Variants in TRAF3 observed in about 807,000 individuals in gnomAD.
TRAF3 encodes TNF receptor-associated factor 3.
TRAF3 carries 13 observed loss-of-function variants against 62.3 expected under a neutral mutation model. That is an observed-to-expected ratio of 0.21 (90% CI 0.14 to 0.33). TRAF3 has a LOEUF of 0.33. TRAF3 is among the 10% of genes least tolerant of loss of function. The probability of loss-of-function intolerance (pLI) is 1.00; values close to 1 mark genes in which losing one functional copy is unlikely to be tolerated. For missense variants in TRAF3, 440 were observed against 741.8 expected (o/e 0.59, Z 4.73); for synonymous variants, 269 against 283.4 (o/e 0.95, Z 0.51).
chr14:102,883,314 A>T (rs1889174575), intron 6 of TRAF3, among the ~76,000 whole-genome samples: 2 of 152,272 alleles, frequency 1.3e-5, no homozygotes, highest in African/African-American at 2.4e-5. Context: ...TACTGAGCGA[A>T]GTCCAGAAGA....
chr14:102,843,334 T>C (rs982455911), intron 2 of TRAF3, among the ~76,000 whole-genome samples: 1 of 151,392 alleles, frequency 6.6e-6, no homozygotes, highest in African/African-American at 2.4e-5. Context: ...ATGGGAAAAA[T>C]TTTTATTTAT....
At chr14:102,899,441 C>T (rs1041995640) in intron 10 of TRAF3, among the ~76,000 whole-genome samples, 20 of 152,250 alleles carry the variant, frequency 1.3e-4, no homozygotes, top group Admixed American at 9.8e-4. Flanking sequence ...AAGGGTTTAT[C>T]GTAAAATCTT....
chr14:102,811,316 T>TA (rs1566749402), intron 1 of TRAF3, among the ~76,000 whole-genome samples: 1 of 151,626 alleles, frequency 6.6e-6, no homozygotes, highest in African/African-American at 2.4e-5. Context: ...TTTTTTTTCT[T>TA]AAGAGAGAGT....
At chr14:102,870,607 A>G (rs969040235) in intron 3 of TRAF3, among the ~76,000 whole-genome samples, 161 bp downstream of exon 3, 3 of 152,202 alleles carry the variant, frequency 2.0e-5, no homozygotes, top group African/African-American at 7.2e-5. Flanking sequence ...AGGGAGGTGC[A>G]GTGGGATCCC....
chr14:102,847,843 T>C (rs1369122747), intron 2 of TRAF3, among the ~76,000 whole-genome samples: 1 of 152,230 alleles, frequency 6.6e-6, no homozygotes, highest in African/African-American at 2.4e-5. Context: ...GGCACTTTGG[T>C]TTGGTTTGTG....
intron 1 of TRAF3, among the ~76,000 whole-genome samples, chr14:102,803,471 C>A (rs1024113721): frequency 3.3e-5 from 5 of 152,104 alleles, no homozygotes; most frequent in African/African-American, 1.2e-4. Context: ...GGTACTTACC[C>A]CCTGGAGTGT....
chr14:102,842,711 C>G lies in TRAF3; in HGVS notation c.-18+12239C>G, dbSNP rs555305552. Among the ~76,000 whole-genome samples, 8 of 152,228 alleles carry G rather than the reference C, an allele frequency of 5.3e-5. No individual in the cohort carries two copies. In the East Asian group the frequency reaches 1.5e-3, roughly 29 times the overall value. Reference sequence around the variant, plus strand: ...GAAAACCAGTGATCAAGATCAAAAGCTTTCAAAGCAGCCAGAAGAAAAGAC... The same window carrying G: ...GAAAACCAGTGATCAAGATCAAAAGGTTTCAAAGCAGCCAGAAGAAAAGAC... On this transcript the variant is annotated intron_variant, in intron 2 of 11. Transcript: ENST00000392745.
chr14:102,876,823 T>C, intron 6 of TRAF3: 1 of 422,640 alleles, frequency 2.4e-6, no homozygotes, highest in Non-Finnish European at 4.4e-6. Flanking sequence ...TCGTAGATAA[T>C]CCATTCCACA....
Position 102,870,210 on chromosome 14 carries a change from G to T in TRAF3, c.9G>T (p.Ser3=). Reference sequence around the variant, plus strand: ...AACTCCTCTTTCCTAAAATGGAGTCGAGTAAAAAGATGGACTCTCCTGGCG... The same window carrying T: ...AACTCCTCTTTCCTAAAATGGAGTCTAGTAAAAAGATGGACTCTCCTGGCG... ME[S]SKKMDSPGAL... The change falls in exon 3 of 12, where the codon TCG becomes TCT. Residue 3 remains serine, a synonymous_variant. Transcript: ENST00000392745. 1.2e-6 allele frequency: 2 copies of T among 1,614,074 alleles called. No individual in the cohort carries two copies. The highest frequency in any genetic ancestry group is 1.1e-5 in the South Asian group (1 of 91,042).
chr14:102,884,811 CAAAA>C (rs879865201), intron 6 of TRAF3, among the ~76,000 whole-genome samples: 3 of 121,620 alleles, frequency 2.5e-5, no homozygotes, highest in Admixed American at 8.5e-5. Context: ...GACTCCGTCT[CAAAA>C]AAAAAAAAAG....
chr14:102,825,527 G>A (rs927691337), intron 1 of TRAF3, among the ~76,000 whole-genome samples: 1 of 152,224 alleles, frequency 6.6e-6, no homozygotes, highest in African/African-American at 2.4e-5. Context: ...GTAGGCGCTG[G>A]CTGTTCCAGG....
At chr14:102,849,483 T>C (rs754626381) in intron 2 of TRAF3, among the ~76,000 whole-genome samples, 1 of 152,272 alleles carries the variant, frequency 6.6e-6, no homozygotes, top group Non-Finnish European at 1.5e-5. Context: ...CTAACTCTTA[T>C]GAACCAAGGG....
intron 1 of TRAF3, among the ~76,000 whole-genome samples, chr14:102,804,608 C>A (rs1898658039): frequency 6.6e-6 from 1 of 152,158 alleles, no homozygotes; most frequent in Admixed American, 6.6e-5. Context: ...CCACCTCAGC[C>A]TCCCAAGTAG....
intron 1 of TRAF3, among the ~76,000 whole-genome samples, chr14:102,782,865 ATTTC>A (rs147197285): frequency 0.01 from 1,564 of 152,232 alleles, 15 homozygotes; most frequent in African/African-American, 0.035. Context: ...TGGAAACTTG[ATTTC>A]TTTAAGTGGA....
At chr14:102,811,290 A>G (rs1021294500) in intron 1 of TRAF3, among the ~76,000 whole-genome samples, 2 of 149,092 alleles carry the variant, frequency 1.3e-5, no homozygotes, top group African/African-American at 2.5e-5. Flanking sequence ...TGAGCAAACA[A>G]TGGGTACCTT....
intron 2 of TRAF3, among the ~76,000 whole-genome samples, chr14:102,850,265 G>T (rs766645497): frequency 1.3e-5 from 2 of 152,096 alleles, no homozygotes; most frequent in African/African-American, 2.4e-5. Flanking sequence ...TTTTATGAAA[G>T]AATTTTCTTA....
Position 102,869,107 on chromosome 14 carries a change from G to A in TRAF3, c.-17-1078G>A, listed in dbSNP as rs561179837. On this transcript the variant is annotated intron_variant, in intron 2 of 11. Coordinates refer to ENST00000392745, the MANE Select transcript of TRAF3 (RefSeq NM_145725.3). ...AGCCCCCTCATGCACACAGGGAGCCGCACCTCCCTCACACGCTCCTCACCA... is the reference window on the plus strand; with the variant it reads ...AGCCCCCTCATGCACACAGGGAGCCACACCTCCCTCACACGCTCCTCACCA... Among the ~76,000 whole-genome samples, 11 of 152,302 alleles carry A rather than the reference G, an allele frequency of 7.2e-5. No homozygotes were observed. The East Asian group carries it at 2.1e-3, about 29-fold the overall frequency.
chr14:102,834,808 C>T (rs1790043156), intron 2 of TRAF3, among the ~76,000 whole-genome samples: 1 of 151,970 alleles, frequency 6.6e-6, no homozygotes, highest in Admixed American at 6.5e-5. Flanking sequence ...GCAAGACAAC[C>T]TAGGCAATAC....
At chr14:102,803,941 T>C (rs1449733422) in intron 1 of TRAF3, among the ~76,000 whole-genome samples, 1 of 152,206 alleles carries the variant, frequency 6.6e-6, no homozygotes, top group Non-Finnish European at 1.5e-5. Context: ...CTGGCGCCTG[T>C]AATCCCAGCA....
Sources: allele counts gnomAD v4.1 joint callset (sites outside exome capture counted in the v4.1 genomes callset), GRCh38; gene constraint gnomAD v4.1.1; transcripts MANE v1.5; gene names NCBI Gene and HGNC (gene_info 2026-07-23, HGNC 2026-07-21).